PTPRT: variants seen among roughly 807,000 people sequenced by gnomAD.
The protein encoded by PTPRT is receptor-type tyrosine-protein phosphatase T.
A neutral mutation model predicts 176.8 loss-of-function variants in PTPRT; 56 were observed. The observed-to-expected ratio is 0.32, with a 90% confidence interval of 0.26 to 0.40. The LOEUF (loss-of-function observed/expected upper bound fraction) is 0.40, where lower values mean the gene tolerates loss of function less well. PTPRT is among the 10% of genes least tolerant of loss of function. PTPRT has a pLI of 1.00. For missense variants in PTPRT, 1,540 were observed against 1,908.2 expected (o/e 0.81, Z 3.60); for synonymous variants, 783 against 739.0 (o/e 1.06, Z -0.96).
At chr20:42,517,355 A>AT (rs2072088052) in intron 7 of PTPRT, among the ~76,000 whole-genome samples, 2 of 151,640 alleles carry the variant, frequency 1.3e-5, no homozygotes, top group Admixed American at 1.3e-4. Flanking sequence ...TTATAATCGT[A>AT]TTTTTTCACA....
chr20:42,476,801 C>T (rs1160928457), intron 7 of PTPRT, among the ~76,000 whole-genome samples: 2 of 152,128 alleles, frequency 1.3e-5, no homozygotes, highest in Non-Finnish European at 2.9e-5. Context: ...AAAAACAACT[C>T]GACGGTATAG....
intron 1 of PTPRT, among the ~76,000 whole-genome samples, chr20:42,963,092 C>T (rs1473785425): frequency 1.3e-5 from 2 of 151,906 alleles, no homozygotes; most frequent in East Asian, 1.9e-4. Context: ...TCCAGCTACT[C>T]GGGAGGCTGA....
intron 7 of PTPRT, among the ~76,000 whole-genome samples, chr20:42,597,441 C>G (rs751545240): frequency 6.6e-6 from 1 of 152,098 alleles, no homozygotes; most frequent in Admixed American, 6.6e-5. Flanking sequence ...CTTGTAATCC[C>G]AATGTTGGAA....
intron 1 of PTPRT, among the ~76,000 whole-genome samples, chr20:43,018,960 T>C (rs1985508004): frequency 6.6e-6 from 1 of 152,222 alleles, no homozygotes; most frequent in Non-Finnish European, 1.5e-5. Flanking sequence ...TTCCTGCTGA[T>C]CCATTCATTT....
intron 7 of PTPRT, among the ~76,000 whole-genome samples, chr20:42,561,899 C>A (rs1015133849): frequency 9.9e-5 from 15 of 152,154 alleles, no homozygotes; most frequent in African/African-American, 3.1e-4. Flanking sequence ...TTGTTCCCCC[C>A]AAAACCCTCT....
chr20:42,822,716 C>T (rs2077917766), intron 2 of PTPRT, among the ~76,000 whole-genome samples: 1 of 151,292 alleles, frequency 6.6e-6, no homozygotes, highest in African/African-American at 2.4e-5. Flanking sequence ...AAAAAAACAA[C>T]CCATCAAAAA....
chr20:42,479,999 T>C (rs541922115), intron 7 of PTPRT, among the ~76,000 whole-genome samples: 79 of 152,314 alleles, frequency 5.2e-4, no homozygotes, highest in African/African-American at 1.8e-3. Context: ...AGCTGGAGCA[T>C]GTCACCTTGT....
intron 9 of PTPRT, among the ~76,000 whole-genome samples, 173 bp downstream of exon 9, chr20:42,448,047 A>G (rs1034183205): frequency 2.0e-5 from 3 of 152,186 alleles, no homozygotes; most frequent in Non-Finnish European, 4.4e-5. Context: ...GGCTACCAGG[A>G]CAGCTCCACT....
Position 42,416,438 on chromosome 20 carries a change from C to T in PTPRT, c.1560+31782G>A, listed in dbSNP as rs1362603892. 2.6e-5 allele frequency among the ~76,000 whole-genome samples: 4 copies of T among 152,312 alleles called. No individual in the cohort carries two copies. In the East Asian group the frequency reaches 7.7e-4, roughly 29 times the overall value. ...TTGTGATAATGTGTTACAGCCGCCA[C>T]AGGAAAAAACTGTACTTCCCAACAT... On this transcript the variant is annotated intron_variant, in intron 9 of 30. Coordinates refer to ENST00000373187, the MANE Select transcript of PTPRT (RefSeq NM_007050.6).
intron 7 of PTPRT, among the ~76,000 whole-genome samples, chr20:42,600,604 C>A (rs1205271262): frequency 2.0e-5 from 3 of 152,126 alleles, no homozygotes; most frequent in Admixed American, 6.6e-5. Context: ...TCATCTCTGA[C>A]CCTGCTCCCA....
chr20:42,077,525 G>T lies in PTPRT; in HGVS notation c.*3354C>A, dbSNP rs112700109. 5.5e-5 allele frequency: 12 copies of T among 219,548 alleles called. No homozygotes were observed. Among genetic ancestry groups the T allele is most frequent in the Non-Finnish European group, 6.4e-5 (7 of 109,284 alleles). The allele number at this position is 219,548 out of a possible 1,614,324, so 13.6% of individuals were successfully genotyped here. ...CCCTGTAAATGGGGTGGGGTGGGGA[G>T]ACCCCCTGGGGGTGGTGGTGTTGGC... On this transcript the variant is annotated 3_prime_UTR_variant, in exon 31 of 31. Transcript: ENST00000373187.
At chr20:42,333,273 A>G (rs373874768) in intron 11 of PTPRT, among the ~76,000 whole-genome samples, 1 of 152,214 alleles carries the variant, frequency 6.6e-6, no homozygotes, top group South Asian at 2.1e-4. Flanking sequence ...GTGAAACTGT[A>G]TCTCTTCACC....
chr20:42,047,681 A>C, the PTPRT span, among the ~76,000 whole-genome samples: 9 of 152,216 alleles, frequency 5.9e-5, no homozygotes, highest in African/African-American at 2.2e-4. Flanking sequence ...GACAAGCACA[A>C]AATCCTGAAA....
chr20:42,694,110 C>A (rs1169549056), intron 6 of PTPRT, among the ~76,000 whole-genome samples: 1 of 151,216 alleles, frequency 6.6e-6, no homozygotes, highest in Non-Finnish European at 1.5e-5. Flanking sequence ...GCGATCTCAG[C>A]TCACTGCAAC....
At chr20:42,900,779 C>G (rs1167727153) in intron 1 of PTPRT, among the ~76,000 whole-genome samples, 1 of 152,050 alleles carries the variant, frequency 6.6e-6, no homozygotes, top group Non-Finnish European at 1.5e-5. Flanking sequence ...GTCTAAAACC[C>G]CTCGTGGCCT....
chr20:42,942,337 A>C (rs1337777002), intron 1 of PTPRT, among the ~76,000 whole-genome samples: 1 of 152,240 alleles, frequency 6.6e-6, no homozygotes, highest in Non-Finnish European at 1.5e-5. Flanking sequence ...TTTCCAGAGA[A>C]GAACATATAC....
chr20:42,563,169 A>G (rs928675947), intron 7 of PTPRT, among the ~76,000 whole-genome samples: 1 of 152,206 alleles, frequency 6.6e-6, no homozygotes, highest in Non-Finnish European at 1.5e-5. Flanking sequence ...AACACATATT[A>G]TCCTTAATAC....
chr20:42,981,365 T>C (rs1316590342), intron 1 of PTPRT, among the ~76,000 whole-genome samples: 6 of 152,178 alleles, frequency 3.9e-5, no homozygotes, highest in Admixed American at 3.9e-4. Context: ...GGTGGGAGAT[T>C]GTTTGCAATA....
intron 2 of PTPRT, among the ~76,000 whole-genome samples, chr20:42,848,316 C>T (rs919620175): frequency 1.3e-5 from 2 of 152,136 alleles, no homozygotes; most frequent in Non-Finnish European, 2.9e-5. Context: ...TGTATAATCA[C>T]TTCTTTTCCT....
Sources: gnomAD v4.1 joint callset for allele counts (sites outside exome capture counted in the v4.1 genomes callset) on GRCh38, gnomAD v4.1.1 for gene constraint, MANE v1.5 for transcripts, NCBI Gene and HGNC (gene_info 2026-07-23, HGNC 2026-07-21) for gene names.